Variants in MAP3K3 observed in about 807,000 individuals in gnomAD.
The protein encoded by MAP3K3 is mitogen-activated protein kinase kinase kinase 3, also known as MAP/ERK kinase kinase 3.
Under a neutral mutation model 80.9 loss-of-function variants are expected in MAP3K3, and 12 were observed. The ratio of observed to expected loss-of-function variants is 0.15; its 90% CI spans 0.10 to 0.24. MAP3K3 has a LOEUF of 0.24. MAP3K3 is among the 10% of genes least tolerant of loss of function. MAP3K3 has a pLI of 1.00. For synonymous variants in MAP3K3, 272 were observed against 307.1 expected (o/e 0.89, Z 1.19); for missense variants, 596 against 834.7 (o/e 0.71, Z 3.52).
chr17:63,688,841 G>A lies in MAP3K3; in HGVS notation c.831G>A (p.Arg277=). 6.2e-7 allele frequency: 1 copy of A among 1,614,120 alleles called. No individual in the cohort carries two copies. Among genetic ancestry groups the A allele is most frequent in the South Asian group, 1.1e-5 (1 of 91,082 alleles). Reference sequence around the variant, plus strand: ...GGGTCAAAGGTGGAACCTACCCCCGGCGCTACCACGTGTCTGTGCACCACA... The same window carrying A: ...GGGTCAAAGGTGGAACCTACCCCCGACGCTACCACGTGTCTGTGCACCACA... The part of the protein sequence containing the change: ...DKGVKGGTYP[R]RYHVSVHHKD... The change falls in exon 10 of 16, where the codon CGG becomes CGA. Residue 277 remains arginine, a synonymous_variant. Coordinates refer to ENST00000361733, the MANE Select transcript of MAP3K3 (RefSeq NM_002401.5).
intron 2 of MAP3K3, among the ~76,000 whole-genome samples, chr17:63,642,687 C>T (rs979554410): frequency 1.3e-5 from 2 of 151,924 alleles, no homozygotes; most frequent in Non-Finnish European, 2.9e-5. Context: ...AAAATGTTGT[C>T]CCAGTTTAAG....
chr17:63,637,946 T>C (rs2034364218), intron 2 of MAP3K3, among the ~76,000 whole-genome samples: 1 of 152,172 alleles, frequency 6.6e-6, no homozygotes, highest in Non-Finnish European at 1.5e-5. Context: ...TTGGCTATCA[T>C]TTCTAGAGGA....
At chr17:63,686,558 G>A (rs970563589) in intron 8 of MAP3K3, among the ~76,000 whole-genome samples, 4 of 152,194 alleles carry the variant, frequency 2.6e-5, no homozygotes, top group Non-Finnish European at 4.4e-5. Flanking sequence ...GGAGGGGAAA[G>A]GGGAGAGAAG....
At chr17:63,672,152 A>G (rs2035123208) in intron 6 of MAP3K3, among the ~76,000 whole-genome samples, 1 of 151,772 alleles carries the variant, frequency 6.6e-6, no homozygotes, top group African/African-American at 2.4e-5. Flanking sequence ...GTGTGGTGGC[A>G]TGCGCCTGTA....
chr17:63,642,921 C>T (rs59122310), intron 2 of MAP3K3, among the ~76,000 whole-genome samples: 42,473 of 151,482 alleles, frequency 0.28, 6,348 homozygotes, highest in Middle Eastern at 0.37. Flanking sequence ...CCACAACCAG[C>T]TAATTTTTGT....
At position 63,657,831 on chromosome 17, in the gene MAP3K3, A is replaced by C; in HGVS notation, c.305A>C (p.Lys102Thr). Residue 102 changes from lysine to threonine, a missense_variant, in exon 5 of 16, where the codon AAA becomes ACA. Lys to Thr is a moderately conservative substitution (Grantham distance 78, BLOSUM62 -1). Transcript: ENST00000361733. ...CTGAAAAACCAAGATGATCTTGATA[A>C]AGCAATTGACATTTTAGATAGAAGC... is the stretch of plus-strand genomic sequence containing the variant. ...ILLKNQDDLD[K>T]AIDILDRSSS... The C allele has an allele frequency of 6.2e-7, 1 of 1,606,856 alleles. No individual in the cohort carries two copies.
chr17:63,673,087 G>A (rs944557608), intron 6 of MAP3K3, among the ~76,000 whole-genome samples: 1 of 152,206 alleles, frequency 6.6e-6, no homozygotes, highest in Non-Finnish European at 1.5e-5. Flanking sequence ...AGGCTACTCA[G>A]TTCACACTGG....
chr17:63,641,106 C>T (rs1184503747), intron 2 of MAP3K3, among the ~76,000 whole-genome samples: 1 of 152,192 alleles, frequency 6.6e-6, no homozygotes, highest in Non-Finnish European at 1.5e-5. Context: ...ACTTGTATAT[C>T]AGGTACTGTT....
intron 1 of MAP3K3, 42 bp downstream of exon 1, chr17:63,622,805 G>T: frequency 2.1e-6 from 1 of 468,050 alleles, no homozygotes. Flanking sequence ...GCGCTGCTTC[G>T]CGACGCCCCG....
chr17:63,629,659 G>C (rs1450625257), intron 1 of MAP3K3, among the ~76,000 whole-genome samples: 1 of 152,182 alleles, frequency 6.6e-6, no homozygotes, highest in African/African-American at 2.4e-5. Context: ...GTCCTCTGAA[G>C]TATCAGTTGA....
intron 7 of MAP3K3, among the ~76,000 whole-genome samples, 167 bp from the exon 8 acceptor site, chr17:63,685,349 AG>A (rs1232418210): frequency 6.6e-6 from 1 of 152,164 alleles, no homozygotes; most frequent in African/African-American, 2.4e-5. Flanking sequence ...TTTCAAACTA[AG>A]GGGGAGGATG....
At position 63,651,809 on chromosome 17, in the gene MAP3K3, A is replaced by G. The variant is rs563272629; in HGVS notation, c.168-748A>G. On this transcript the variant is annotated intron_variant, in intron 3 of 15. Transcript: ENST00000361733. ...ATGTCACTGGTTAAGAAAACTGATC[A>G]GGCATATCACTAACTCAAGGGGGAA... is the stretch of plus-strand genomic sequence containing the variant. Among the ~76,000 whole-genome samples, 5 of 152,330 alleles carry G rather than the reference A, an allele frequency of 3.3e-5. No individual in the cohort carries two copies. The South Asian group carries it at 1.0e-3, about 32-fold the overall frequency.
At chr17:63,641,672 C>T (rs16947014) in intron 2 of MAP3K3, among the ~76,000 whole-genome samples, 42,602 of 152,090 alleles carry the variant, frequency 0.28, 6,380 homozygotes, top group Middle Eastern at 0.37. Context: ...TTAACAACTA[C>T]ATATTGGCCT....
chr17:63,662,016 T>A (rs1250126955), intron 5 of MAP3K3, among the ~76,000 whole-genome samples: 3 of 151,950 alleles, frequency 2.0e-5, no homozygotes, highest in African/African-American at 7.3e-5. Context: ...GGCAGGAGAA[T>A]GACATGAACC....
chr17:63,640,591 G>C (rs998090987), intron 2 of MAP3K3, among the ~76,000 whole-genome samples: 3 of 152,090 alleles, frequency 2.0e-5, no homozygotes, highest in Non-Finnish European at 4.4e-5. Context: ...GGCAATTTAT[G>C]GTCTTTCTTT....
At position 63,650,298 on chromosome 17, in the gene MAP3K3, GTTTA is replaced by G. The variant is rs578107707; in HGVS notation, c.168-2247_168-2244del. On this transcript the variant is annotated intron_variant, in intron 3 of 15. Coordinates refer to ENST00000361733, the MANE Select transcript of MAP3K3 (RefSeq NM_002401.5). ...TTGATGGCTTATTTTGCAATCAGAA[GTTTA>G]TTTATTTATTTTTTTGAGACAGAGT... 2.5e-3 allele frequency among the ~76,000 whole-genome samples: 379 copies of G among 152,162 alleles called. 2 individuals carry two copies. Among genetic ancestry groups the G allele is most frequent in the Middle Eastern group, 0.01 (3 of 294 alleles).
At position 63,688,471 on chromosome 17, in the gene MAP3K3, T is replaced by TTGGCAGGACGCCCTGGACTTCCAC. The variant is rs2035508166; in HGVS notation, c.711-56_711-55insTGGCAGGACGCCCTGGACTTCCAC. Reference sequence around the variant, plus strand: ...AGAAAGGGAGACTGCCTGGACGCCCTGCTTGGTTGCTGTGGAAGTGTGCGG... The same window carrying TTGGCAGGACGCCCTGGACTTCCAC: ...AGAAAGGGAGACTGCCTGGACGCCCTTGGCAGGACGCCCTGGACTTCCACGCTTGGTTGCTGTGGAAGTGTGCGG... On this transcript the variant is annotated intron_variant, in intron 8 of 15. Coordinates refer to ENST00000361733, the MANE Select transcript of MAP3K3 (RefSeq NM_002401.5). 2.1e-6 allele frequency: 3 copies of TTGGCAGGACGCCCTGGACTTCCAC among 1,407,576 alleles called. No homozygotes were observed. The East Asian group carries it at 6.8e-5, about 32-fold the overall frequency. 87.2% of individuals were successfully genotyped at this position (1,407,576 alleles called of 1,614,324 possible). A position where few individuals can be genotyped will look rare whatever the true frequency, so the allele number is the denominator to read the frequency against.
chr17:63,689,501 CT>C lies in MAP3K3; in HGVS notation c.872-42del, dbSNP rs2035536026. 6.4e-7 allele frequency: 1 copy of C among 1,564,986 alleles called. No individual in the cohort carries two copies. Among genetic ancestry groups the C allele is most frequent in the African/African-American group, 1.4e-5 (1 of 73,864 alleles). On this transcript the variant is annotated intron_variant, in intron 10 of 15. Transcript: ENST00000361733. This position sits in a 1 kb window ranked among gnomAD's most constrained non-coding sequence, Gnocchi z 4.3. The stretch of plus-strand genomic sequence containing the variant: ...TGGTTTGTACGTTCCGCCTCGTAGC[CT>C]GGGGTGTGACTTGCTCTCCTCTGGC...
Position 63,691,312 on chromosome 17 carries a change from C to A in MAP3K3, c.1344+79C>A. 6.3e-7 allele frequency: 1 copy of A among 1,592,758 alleles called. No individual in the cohort carries two copies. The highest frequency in any genetic ancestry group is 1.1e-5 in the South Asian group (1 of 90,098). On this transcript the variant is annotated intron_variant, in intron 13 of 15. Coordinates refer to ENST00000361733, the MANE Select transcript of MAP3K3 (RefSeq NM_002401.5). The surrounding 1 kb of genome is among the most constrained non-coding windows in gnomAD (Gnocchi z 4.8). The stretch of plus-strand genomic sequence containing the variant: ...GGGCTGGGGCCTGCAGGAGGGGGGT[C>A]ACCTTGGATAGGAGTTTGAACACCT...
Sources: allele counts gnomAD v4.1 joint callset (sites outside exome capture counted in the v4.1 genomes callset), GRCh38; gene constraint gnomAD v4.1.1; non-coding constraint Gnocchi (gnomAD v3.1); transcripts MANE v1.5; gene names NCBI Gene and HGNC (gene_info 2026-07-23, HGNC 2026-07-21).